Variants in CNTNAP2 observed in about 807,000 individuals in gnomAD.
CNTNAP2 encodes contactin associated protein 2.
CNTNAP2 carries 98 observed loss-of-function variants against 155.2 expected under a neutral mutation model. The observed-to-expected ratio is 0.63, with a 90% CI of 0.54 to 0.75. The LOEUF is 0.75. Among genes scored for constraint, CNTNAP2 ranks in the 30% least tolerant of loss-of-function variants. CNTNAP2 has a pLI of 0.00. For missense variants in CNTNAP2, 1,727 were observed against 1,688.1 expected (o/e 1.02, Z -0.40); for synonymous variants, 651 against 631.2 (o/e 1.03, Z -0.47).
In CNTNAP2 at chr7:147,783,257, C is replaced by T. The variant is rs73460103; in HGVS notation, c.2099-120308C>T. Among the ~76,000 whole-genome samples, 17 of 152,258 alleles carry T rather than the reference C, an allele frequency of 1.1e-4. 1 individual carries two copies. The highest frequency in any genetic ancestry group is 5.9e-4 in the Admixed American group (9 of 15,298). ...AGTTCATAAAATTATATTTTAACTG[C>T]TTTTCCTTCAAATTGTAGGCTTTTC... On this transcript the variant is annotated intron_variant, in intron 13 of 23. Transcript: ENST00000361727.
At chr7:147,308,955 G>T (rs1247213063) in intron 9 of CNTNAP2, among the ~76,000 whole-genome samples, 3 of 152,168 alleles carry the variant, frequency 2.0e-5, no homozygotes, top group African/African-American at 7.2e-5. Context: ...TAAGCAAATG[G>T]AGAACCCTGA....
chr7:146,343,282 C>T (rs1362025945), intron 1 of CNTNAP2, among the ~76,000 whole-genome samples: 1 of 152,094 alleles, frequency 6.6e-6, no homozygotes, highest in East Asian at 1.9e-4. Context: ...AGAGAACATT[C>T]CCACTCTGAC....
intron 13 of CNTNAP2, among the ~76,000 whole-genome samples, chr7:147,880,854 GGTGTGTGTGTGTGTGTGTGTGT>G (rs71183032): frequency 7.0e-6 from 1 of 143,088 alleles, no homozygotes; most frequent in Non-Finnish European, 1.5e-5. Flanking sequence ...ATTGGAGTTG[GGTGTGTGTGTGTGTGTGTGTGT>G]GTGTGTGTGT....
At chr7:146,548,756 C>A (rs1798070119) in intron 1 of CNTNAP2, among the ~76,000 whole-genome samples, 1 of 143,370 alleles carries the variant, frequency 7.0e-6, no homozygotes, top group South Asian at 2.2e-4. Context: ...AAATTAATCC[C>A]TTATCAGATA....
At chr7:148,211,636 A>G (rs978464647) in intron 18 of CNTNAP2, among the ~76,000 whole-genome samples, 1 of 152,202 alleles carries the variant, frequency 6.6e-6, no homozygotes, top group African/African-American at 2.4e-5. Flanking sequence ...ACATCTACCA[A>G]CTTACCATTG....
chr7:148,405,446 T>TTTTTTTTTTTTTTTTG (rs1799678093), intron 22 of CNTNAP2, among the ~76,000 whole-genome samples: 1 of 70,072 alleles, frequency 1.4e-5, no homozygotes, highest in African/African-American at 3.6e-5. Context: ...TTTTTTTTTT[T>TTTTTTTTTTTTTTTTG]GAGACGGAGT....
chr7:146,790,989 T>C (rs1164966398), intron 2 of CNTNAP2, among the ~76,000 whole-genome samples: 1 of 151,924 alleles, frequency 6.6e-6, no homozygotes, highest in Non-Finnish European at 1.5e-5. Flanking sequence ...GTTACACAGG[T>C]ATACATGTGC....
chr7:147,863,925 G>C (rs1273388593), intron 13 of CNTNAP2, among the ~76,000 whole-genome samples: 1 of 152,058 alleles, frequency 6.6e-6, no homozygotes, highest in African/African-American at 2.4e-5. Flanking sequence ...GAAGCTCTTT[G>C]GTTTAATCAC....
chr7:148,225,672 T>C (rs776624133), intron 19 of CNTNAP2, among the ~76,000 whole-genome samples: 6 of 151,840 alleles, frequency 4.0e-5, no homozygotes, highest in Non-Finnish European at 7.4e-5. Flanking sequence ...TCAGGGAAGG[T>C]TGGAGAAAGG....
At chr7:146,204,987 A>G (rs1308396591) in intron 1 of CNTNAP2, among the ~76,000 whole-genome samples, 3 of 152,078 alleles carry the variant, frequency 2.0e-5, no homozygotes, top group Admixed American at 1.3e-4. Context: ...TGAGGCATTG[A>G]CAGTAATTTG....
intron 10 of CNTNAP2, among the ~76,000 whole-genome samples, chr7:147,457,772 A>G (rs1371043224): frequency 6.6e-6 from 1 of 152,202 alleles, no homozygotes; most frequent in African/African-American, 2.4e-5. Flanking sequence ...AGAAAAAACA[A>G]TTAGAGCATT....
intron 21 of CNTNAP2, among the ~76,000 whole-genome samples, chr7:148,281,996 T>C (rs1191881245): frequency 3.3e-5 from 5 of 152,116 alleles, no homozygotes; most frequent in Non-Finnish European, 7.4e-5. Context: ...GGCTAATTTT[T>C]GTATTTTTAG....
At chr7:146,277,755 A>C (rs899935689) in intron 1 of CNTNAP2, among the ~76,000 whole-genome samples, 2 of 152,234 alleles carry the variant, frequency 1.3e-5, no homozygotes, top group African/African-American at 2.4e-5. Flanking sequence ...AAACAAGTCC[A>C]GCATGCCAAT....
At chr7:146,458,339 T>G (rs894150944) in intron 1 of CNTNAP2, among the ~76,000 whole-genome samples, 2 of 152,214 alleles carry the variant, frequency 1.3e-5, no homozygotes, top group Non-Finnish European at 2.9e-5. Context: ...GTGAGATGCA[T>G]GTTAGATTAT....
chr7:146,842,638 T>A (rs1392832329), intron 3 of CNTNAP2, among the ~76,000 whole-genome samples: 1 of 152,092 alleles, frequency 6.6e-6, no homozygotes, highest in African/African-American at 2.4e-5. Flanking sequence ...GAGGCAGGCA[T>A]GTCTTACATG....
intron 10 of CNTNAP2, among the ~76,000 whole-genome samples, chr7:147,439,742 C>T (rs999997379): frequency 6.6e-6 from 1 of 151,886 alleles, no homozygotes; most frequent in Non-Finnish European, 1.5e-5. Context: ...ATAATATTTG[C>T]TTTATATATC....
intron 14 of CNTNAP2, among the ~76,000 whole-genome samples, chr7:147,965,116 A>C (rs1801182995): frequency 6.6e-6 from 1 of 152,132 alleles, no homozygotes; most frequent in Non-Finnish European, 1.5e-5. Context: ...CTGCAACTGA[A>C]ATGAGAGGAC....
intron 9 of CNTNAP2, among the ~76,000 whole-genome samples, chr7:147,322,179 A>G (rs1199130740): frequency 6.6e-6 from 1 of 152,190 alleles, no homozygotes; most frequent in Non-Finnish European, 1.5e-5. Flanking sequence ...ACTCCCCTGA[A>G]ATCTCATACA....
At chr7:146,785,643 T>G (rs1221926140) in intron 2 of CNTNAP2, among the ~76,000 whole-genome samples, 1 of 152,238 alleles carries the variant, frequency 6.6e-6, no homozygotes, top group Admixed American at 6.5e-5. Flanking sequence ...CCAATTGGAA[T>G]CTAGACTATA....
Sources: allele counts gnomAD v4.1 joint callset (sites outside exome capture counted in the v4.1 genomes callset), GRCh38; gene constraint gnomAD v4.1.1; transcripts MANE v1.5; gene names NCBI Gene and HGNC (gene_info 2026-07-23, HGNC 2026-07-21).